The following ANK3 variants were observed in gnomAD, a reference collection of about 807,000 sequenced individuals.
ANK3 encodes the protein ankyrin 3.
ANK3 carries 57 observed loss-of-function variants against 370.9 expected under a neutral mutation model. The ratio of observed to expected loss-of-function variants is 0.15; its 90% CI spans 0.12 to 0.19. The LOEUF is 0.19. ANK3 is among the 10% of genes least tolerant of loss of function. The pLI is 1.00. For missense variants in ANK3, 4,439 were observed against 5,302.1 expected (o/e 0.84, Z 5.06); for synonymous variants, 1,929 against 1,946.3 (o/e 0.99, Z 0.23).
chr10:60,061,286 A>G (rs577948526), intron 40 of ANK3, among the ~76,000 whole-genome samples: 52 of 152,322 alleles, frequency 3.4e-4, no homozygotes, highest in African/African-American at 1.3e-3. Context: ...CATGTTTCTA[A>G]ATTTCCCTAA....
At chr10:60,699,259 A>AC (rs1411642285) in intron 1 of ANK3, among the ~76,000 whole-genome samples, 3 of 151,942 alleles carry the variant, frequency 2.0e-5, no homozygotes, top group African/African-American at 7.3e-5. Context: ...CACCATCTGT[A>AC]CCCCAGTAAC....
intron 1 of ANK3, among the ~76,000 whole-genome samples, chr10:60,323,259 G>GA (rs1245979284): frequency 6.6e-6 from 1 of 152,204 alleles, no homozygotes; most frequent in Non-Finnish European, 1.5e-5. Context: ...AGAAGTCCCT[G>GA]AGAAGTGAAC....
intron 1 of ANK3, among the ~76,000 whole-genome samples, chr10:60,722,667 G>C (rs2079880144): frequency 6.6e-6 from 1 of 152,112 alleles, no homozygotes; most frequent in South Asian, 2.1e-4. Flanking sequence ...GTTGGAGGTG[G>C]GGCCCGGTGG....
intron 1 of ANK3, among the ~76,000 whole-genome samples, chr10:60,357,492 C>T (rs1296703328): frequency 2.6e-5 from 4 of 152,100 alleles, no homozygotes; most frequent in Non-Finnish European, 5.9e-5. Context: ...TAATCACTTC[C>T]TTTATATGCT....
At chr10:60,498,682 A>G (rs149417769) in intron 2 of ANK3, among the ~76,000 whole-genome samples, 1 of 152,186 alleles carries the variant, frequency 6.6e-6, no homozygotes, top group Non-Finnish European at 1.5e-5. Flanking sequence ...TGATAATATT[A>G]TAGCCAATGA....
At chr10:60,658,363 G>A (rs1183801327) in intron 1 of ANK3, among the ~76,000 whole-genome samples, 1 of 151,144 alleles carries the variant, frequency 6.6e-6, no homozygotes, top group Non-Finnish European at 1.5e-5. Context: ...TTTAGCAGTT[G>A]TTCTAGGAAT....
chr10:60,520,564 G>T (rs1001389646), intron 2 of ANK3, among the ~76,000 whole-genome samples: 3 of 151,998 alleles, frequency 2.0e-5, no homozygotes, highest in Admixed American at 1.3e-4. Flanking sequence ...CTTCTAAGAG[G>T]CCTGCTCAGT....
At chr10:60,162,573 T>C (rs1204014001) in intron 23 of ANK3, among the ~76,000 whole-genome samples, 1 of 152,204 alleles carries the variant, frequency 6.6e-6, no homozygotes, top group Admixed American at 6.5e-5. Context: ...TGTCACTCTA[T>C]TATCTGCTAA....
intron 2 of ANK3, among the ~76,000 whole-genome samples, chr10:60,423,809 T>A (rs574882587): frequency 6.6e-6 from 1 of 152,178 alleles, no homozygotes; most frequent in Non-Finnish European, 1.5e-5. Context: ...TATACACTGA[T>A]CTAAATTTGG....
chr10:60,398,409 T>C (rs528857029), intron 2 of ANK3, among the ~76,000 whole-genome samples: 1 of 152,312 alleles, frequency 6.6e-6, no homozygotes, highest in East Asian at 1.9e-4. Flanking sequence ...CAAAACCTGA[T>C]GCTTGGAATA....
At chr10:60,278,953 A>G (rs2098126809) in intron 3 of ANK3, 81 bp from the exon 4 acceptor site, 2 of 1,565,032 alleles carry the variant, frequency 1.3e-6, no homozygotes, top group South Asian at 2.2e-5. Flanking sequence ...AAATTTGACA[A>G]ATATCTTATG....
chr10:60,140,193 C>T, intron 23 of ANK3: 1 of 752,336 alleles, frequency 1.3e-6, no homozygotes. Flanking sequence ...CTGTCAACTA[C>T]TGTTTTTGCA....
intron 2 of ANK3, among the ~76,000 whole-genome samples, chr10:60,416,081 A>G (rs2063662794): frequency 6.6e-6 from 1 of 151,962 alleles, no homozygotes; most frequent in South Asian, 2.1e-4. Context: ...AAAGACCCTC[A>G]TCCTTTCTAC....
chr10:60,411,823 G>C (rs1275134809), intron 2 of ANK3, among the ~76,000 whole-genome samples: 2 of 152,206 alleles, frequency 1.3e-5, no homozygotes, highest in East Asian at 3.9e-4. Flanking sequence ...ATGAGATTTT[G>C]AAATGAAAGA....
At chr10:60,147,324 A>T (rs1261763075) in intron 23 of ANK3, among the ~76,000 whole-genome samples, 1 of 152,184 alleles carries the variant, frequency 6.6e-6, no homozygotes, top group African/African-American at 2.4e-5. Context: ...CAATAGAGTG[A>T]GCATTCACTT....
At chr10:60,532,215 C>T (rs2076621195) in intron 2 of ANK3, among the ~76,000 whole-genome samples, 1 of 152,162 alleles carries the variant, frequency 6.6e-6, no homozygotes, top group South Asian at 2.1e-4. Flanking sequence ...CAGTTGCATA[C>T]TTACTTCTCA....
intron 25 of ANK3, among the ~76,000 whole-genome samples, chr10:60,116,911 G>A (rs902251671): frequency 2.0e-5 from 3 of 152,130 alleles, no homozygotes; most frequent in Non-Finnish European, 4.4e-5. Context: ...ACCCATTATG[G>A]TACATCATCG....
chr10:60,076,939 T>A (rs1354842663), intron 36 of ANK3, among the ~76,000 whole-genome samples: 1 of 152,200 alleles, frequency 6.6e-6, no homozygotes, highest in Non-Finnish European at 1.5e-5. Flanking sequence ...CCTTTAGCCT[T>A]TCCATGATAC....
chr10:60,308,380 A>G (rs2045631445), intron 1 of ANK3, among the ~76,000 whole-genome samples: 2 of 145,266 alleles, frequency 1.4e-5, no homozygotes, highest in Admixed American at 7.3e-5. Context: ...GCTCACTGCA[A>G]CCTCCGCCTT....
Sources: allele counts gnomAD v4.1 joint callset (sites outside exome capture counted in the v4.1 genomes callset), GRCh38; gene constraint gnomAD v4.1.1; transcripts MANE v1.5; gene names NCBI Gene and HGNC (gene_info 2026-07-23, HGNC 2026-07-21).